PTPN11: variants seen among roughly 807,000 people sequenced by gnomAD.
PTPN11 encodes the protein tyrosine-protein phosphatase non-receptor type 11.
PTPN11 carries 6 observed loss-of-function variants against 78.8 expected under a neutral mutation model. That is an observed-to-expected ratio of 0.08 (90% CI 0.04 to 0.15). The LOEUF (loss-of-function observed/expected upper bound fraction) is 0.15. Among genes scored for constraint, PTPN11 ranks in the 10% least tolerant of loss-of-function variants. The pLI, the probability that PTPN11 is intolerant of heterozygous loss-of-function variation, is 1.00. For synonymous variants in PTPN11, 221 were observed against 263.5 expected (o/e 0.84, Z 1.56); for missense variants, 386 against 744.8 (o/e 0.52, Z 5.61).
chr12:112,508,628 AT>A lies in PTPN11; in HGVS notation c.*2840del, dbSNP rs1326279400. ...AGGATTTTAAAATTATAAGCATAGGATTTTATATTTTGGGGTGAAAGAATTA... is the reference window on the plus strand; with the variant it reads ...AGGATTTTAAAATTATAAGCATAGGATTTATATTTTGGGGTGAAAGAATTA... On this transcript the variant is annotated 3_prime_UTR_variant, in exon 16 of 16. Transcript: ENST00000351677. 2 of 152,104 alleles carry A rather than the reference AT, an allele frequency of 1.3e-5. No individual in the cohort carries two copies. The highest frequency in any genetic ancestry group is 2.9e-5 in the Non-Finnish European group (2 of 68,034). The allele number at this position is 152,104 out of a possible 1,614,324, so 9.4% of individuals were successfully genotyped here.
At chr12:112,431,943 A>C (rs2037719941) in intron 1 of PTPN11, among the ~76,000 whole-genome samples, 1 of 152,188 alleles carries the variant, frequency 6.6e-6, no homozygotes, top group Non-Finnish European at 1.5e-5. Context: ...GGGGGAAAAA[A>C]ACCAGAGACA....
chr12:112,439,795 AC>A lies in PTPN11; in HGVS notation c.15-6480del, dbSNP rs201900443. Among the ~76,000 whole-genome samples the A allele has an allele frequency of 5.8e-3, 834 of 144,558 alleles. 4 individuals carry two copies. Among genetic ancestry groups the A allele is most frequent in the African/African-American group, 0.019 (736 of 39,526 alleles). The allele number at this position is 144,558 out of a possible 152,430, so 94.8% of individuals were successfully genotyped here. On this transcript the variant is annotated intron_variant, in intron 1 of 15. Transcript: ENST00000351677. ...GGATTGTCCTTTTTTAAAAAAAAAA[AC>A]AAAAACAAAAAAAAAAACCCAAACC...
At chr12:112,466,086 G>A (rs1480968629) in intron 6 of PTPN11, among the ~76,000 whole-genome samples, 1 of 152,154 alleles carries the variant, frequency 6.6e-6, no homozygotes, top group South Asian at 2.1e-4. Flanking sequence ...CAGTCAAGTG[G>A]GAGAGACAGG....
intron 8 of PTPN11, 54 bp downstream of exon 8, chr12:112,477,784 G>C (rs2135901645): frequency 6.2e-7 from 1 of 1,606,556 alleles, no homozygotes; most frequent in Non-Finnish European, 8.5e-7. Flanking sequence ...GCCTATTTTT[G>C]TATTTTAAAT....
chr12:112,477,703 A>G lies in PTPN11; in HGVS notation c.906A>G (p.Ser302=), dbSNP rs2135901320. The G allele has an allele frequency of 6.2e-7, 1 of 1,613,342 alleles. No homozygotes were observed. The highest frequency in any genetic ancestry group is 8.5e-7 in the Non-Finnish European group (1 of 1,179,322). Residue 302 remains serine, a synonymous_variant, in exon 8 of 16, where the codon TCA becomes TCG. Transcript: ENST00000351677. ...LHDGDPNEPV[S]DYINANIIMP... is the part of the protein sequence containing the mutation. ...ATGGTGATCCCAATGAGCCTGTTTC[A>G]GATTACATCAATGCAAATATCATCA... is the stretch of plus-strand genomic sequence containing the variant.
chr12:112,428,666 T>C (rs960867366), intron 1 of PTPN11, among the ~76,000 whole-genome samples: 11 of 151,788 alleles, frequency 7.2e-5, no homozygotes, highest in African/African-American at 2.7e-4. Flanking sequence ...AAAAAAGCTA[T>C]GGAAGGAAAG....
At chr12:112,462,977 AC>A (rs2038271607) in intron 6 of PTPN11, among the ~76,000 whole-genome samples, 1 of 152,076 alleles carries the variant, frequency 6.6e-6, no homozygotes, top group African/African-American at 2.4e-5. Context: ...TTCATCTATA[AC>A]TTTTATTATA....
At chr12:112,457,213 A>C (rs2135873987) in intron 6 of PTPN11, 1 of 394,028 alleles carries the variant, frequency 2.5e-6, no homozygotes, top group South Asian at 1.8e-5. Context: ...GTTTGCCCCC[A>C]TCCCCAGACA....
intron 6 of PTPN11, among the ~76,000 whole-genome samples, chr12:112,472,160 T>G (rs921933773): frequency 1.3e-5 from 2 of 151,984 alleles, no homozygotes; most frequent in Non-Finnish European, 2.9e-5. Context: ...ATTAAAACAT[T>G]TTTTTCTTTT....
intron 1 of PTPN11, among the ~76,000 whole-genome samples, chr12:112,422,468 G>A (rs1322726153): frequency 6.6e-6 from 1 of 152,114 alleles, no homozygotes; most frequent in African/African-American, 2.4e-5. Context: ...CCTTCAGCAT[G>A]TGGTACCTCC....
At chr12:112,492,434 T>C (rs2038757396) in intron 13 of PTPN11, among the ~76,000 whole-genome samples, 1 of 152,138 alleles carries the variant, frequency 6.6e-6, no homozygotes, top group Non-Finnish European at 1.5e-5. Flanking sequence ...GTTAATCTCT[T>C]GTCCATAAAG....
chr12:112,447,537 T>C (rs1006303866), intron 2 of PTPN11, among the ~76,000 whole-genome samples: 1 of 152,102 alleles, frequency 6.6e-6, no homozygotes, highest in Non-Finnish European at 1.5e-5. Flanking sequence ...TTCAGTCTTA[T>C]TGCCCAGGCT....
At chr12:112,460,032 C>T (rs559969894) in intron 6 of PTPN11, among the ~76,000 whole-genome samples, 1 of 152,094 alleles carries the variant, frequency 6.6e-6, no homozygotes, top group Non-Finnish European at 1.5e-5. Context: ...ACTGCAACCT[C>T]CACCTCCTGG....
chr12:112,422,335 A>G (rs761144497), intron 1 of PTPN11, among the ~76,000 whole-genome samples: 2 of 152,210 alleles, frequency 1.3e-5, no homozygotes, highest in Non-Finnish European at 2.9e-5. Flanking sequence ...GGCATTCAGC[A>G]ATTAAGTGAC....
intron 13 of PTPN11, among the ~76,000 whole-genome samples, chr12:112,489,554 G>A (rs2038720835): frequency 6.6e-6 from 1 of 152,130 alleles, no homozygotes; most frequent in Admixed American, 6.5e-5. Flanking sequence ...TAAAACGAAT[G>A]CCTCACTCTT....
At chr12:112,505,672 A>C (rs978897228) in intron 15 of PTPN11, among the ~76,000 whole-genome samples, 153 bp from the exon 16 acceptor site, 2 of 151,704 alleles carry the variant, frequency 1.3e-5, no homozygotes, top group Non-Finnish European at 2.9e-5. Flanking sequence ...AAAAAAAAAA[A>C]AAAAAAAAAC....
At position 112,491,287 on chromosome 12, in the gene PTPN11, A is replaced by C. The variant is rs541789468; in HGVS notation, c.1599+2112A>C. 1.3e-3 allele frequency among the ~76,000 whole-genome samples: 192 copies of C among 151,710 alleles called. 1 individual carries two copies. The highest frequency in any genetic ancestry group is 4.2e-3 in the South Asian group (20 of 4,772). On this transcript the variant is annotated intron_variant, in intron 13 of 15. Transcript: ENST00000351677. ...CTACAGTAGTGAAAAAAAAAAAAAA[A>C]CCCTCAAATTTGCAAAAGCAGTCTG...
At chr12:112,456,583 C>T (rs1429354718) in intron 6 of PTPN11, among the ~76,000 whole-genome samples, 1 of 151,558 alleles carries the variant, frequency 6.6e-6, no homozygotes, top group African/African-American at 2.4e-5. Flanking sequence ...TCTCAGCCTA[C>T]TGAGTAGCTG....
At chr12:112,474,075 G>A (rs1274582213) in intron 7 of PTPN11, among the ~76,000 whole-genome samples, 2 of 152,074 alleles carry the variant, frequency 1.3e-5, no homozygotes, top group Non-Finnish European at 2.9e-5. Flanking sequence ...GTAGGCCGGC[G>A]CAGTGGCTTA....
Sources: allele counts gnomAD v4.1 joint callset (sites outside exome capture counted in the v4.1 genomes callset), GRCh38; gene constraint gnomAD v4.1.1; transcripts MANE v1.5; gene names NCBI Gene and HGNC (gene_info 2026-07-23, HGNC 2026-07-21).